NFIB: variants seen among roughly 807,000 people sequenced by gnomAD.
The protein encoded by NFIB is nuclear factor 1 B-type.
NFIB carries 11 observed loss-of-function variants against 61.5 expected under a neutral mutation model. That is an observed-to-expected ratio of 0.18 (90% CI 0.11 to 0.30). The LOEUF is 0.30. Among genes scored for constraint, NFIB ranks in the 10% least tolerant of loss-of-function variants. NFIB has a pLI of 1.00. For missense variants in NFIB, 471 were observed against 608.9 expected (o/e 0.77, Z 2.38); for synonymous variants, 260 against 216.5 (o/e 1.20, Z -1.76).
At chr9:14,225,536 C>A (rs1228333875) in intron 2 of NFIB, among the ~76,000 whole-genome samples, 2 of 149,078 alleles carry the variant, frequency 1.3e-5, no homozygotes, top group African/African-American at 4.9e-5. Flanking sequence ...TGAGCTTGTG[C>A]TGAAATGAAG....
chr9:14,193,768 T>C (rs936940329), intron 2 of NFIB, among the ~76,000 whole-genome samples: 2 of 152,218 alleles, frequency 1.3e-5, no homozygotes, highest in Admixed American at 1.3e-4. Context: ...CCAATATACT[T>C]AATGTTTTAA....
intron 3 of NFIB, 110 bp downstream of exon 3, chr9:14,179,617 C>T: frequency 8.6e-7 from 1 of 1,157,612 alleles, no homozygotes. Context: ...ATCATACCTG[C>T]CTGCCAGAAC....
chr9:14,462,967 T>C, the NFIB span, among the ~76,000 whole-genome samples: 9 of 152,346 alleles, frequency 5.9e-5, no homozygotes, highest in East Asian at 1.9e-4. Flanking sequence ...GTGCTGAATA[T>C]GTGCTTCACG....
the NFIB span, among the ~76,000 whole-genome samples, chr9:14,426,544 A>T: frequency 2.0e-5 from 3 of 152,232 alleles, no homozygotes; most frequent in East Asian, 5.8e-4. Context: ...CAAACTGTAT[A>T]TCTTATGAAT....
the NFIB span, among the ~76,000 whole-genome samples, chr9:14,427,937 G>GTGTTTTTTTTTTTTTTTTTTT: frequency 2.3e-5 from 1 of 43,384 alleles, no homozygotes; most frequent in African/African-American, 7.8e-5. Context: ...TAATTCAGTT[G>GTGTTTTTTTTTTTTTTTTTTT]TTTTTTTTTT....
chr9:14,094,008 A>G (rs2034379400), intron 10 of NFIB, among the ~76,000 whole-genome samples: 1 of 152,110 alleles, frequency 6.6e-6, no homozygotes, highest in African/African-American at 2.4e-5. Context: ...TAATCCTCAT[A>G]ACAAATCTAT....
chr9:14,316,211 TA>T (rs1320658575), upstream of NFIB, among the ~76,000 whole-genome samples: 1 of 152,242 alleles, frequency 6.6e-6, no homozygotes, highest in Non-Finnish European at 1.5e-5. Context: ...GGTCACTTTT[TA>T]ACCCCGTCCT....
chr9:14,371,856 C>T (rs903137635), intron 1 of NFIB, among the ~76,000 whole-genome samples: 2 of 152,146 alleles, frequency 1.3e-5, no homozygotes, highest in East Asian at 3.9e-4. Context: ...TACTTGTTCT[C>T]AGCAATATTA....
At chr9:14,142,647 A>G (rs77212880) in intron 6 of NFIB, among the ~76,000 whole-genome samples, 1 of 151,642 alleles carries the variant, frequency 6.6e-6, no homozygotes, top group Non-Finnish European at 1.5e-5. Flanking sequence ...ACTCAGATGG[A>G]AAAAAAAATA....
the NFIB span, among the ~76,000 whole-genome samples, chr9:14,438,037 T>C: frequency 0.69 from 104,426 of 151,152 alleles, 36,205 homozygotes; most frequent in East Asian, 0.8. Context: ...TGTGCGCGTA[T>C]GTGCGTGCGT....
chr9:14,370,951 C>T (rs937356374), intron 1 of NFIB, among the ~76,000 whole-genome samples: 24 of 152,204 alleles, frequency 1.6e-4, no homozygotes, highest in African/African-American at 4.1e-4. Context: ...AAAAATTAGC[C>T]GGGCATGATG....
intron 5 of NFIB, among the ~76,000 whole-genome samples, chr9:14,148,558 T>C (rs774832774): frequency 2.0e-5 from 3 of 152,180 alleles, no homozygotes; most frequent in Non-Finnish European, 4.4e-5. Flanking sequence ...TCAAAAATCA[T>C]ATACATAAAC....
At chr9:14,305,301 A>G (rs145054035) in intron 2 of NFIB, among the ~76,000 whole-genome samples, 27 of 152,256 alleles carry the variant, frequency 1.8e-4, no homozygotes, top group Middle Eastern at 6.8e-3. Context: ...GTGGTTGCAA[A>G]TCTTCCCTCC....
the NFIB span, among the ~76,000 whole-genome samples, chr9:14,506,473 G>C: frequency 2.0e-5 from 3 of 152,120 alleles, no homozygotes; most frequent in Admixed American, 2.0e-4. Context: ...TTCTTGAGAA[G>C]AAACGAACAG....
intron 5 of NFIB, among the ~76,000 whole-genome samples, 177 bp from the exon 6 acceptor site, chr9:14,146,984 A>G (rs547480494): frequency 2.0e-5 from 3 of 152,290 alleles, no homozygotes; most frequent in East Asian, 3.9e-4. Flanking sequence ...TTCTAGTTGC[A>G]TATACCATTT....
the NFIB span, among the ~76,000 whole-genome samples, chr9:14,447,610 T>C: frequency 4.6e-5 from 7 of 152,192 alleles, no homozygotes; most frequent in Non-Finnish European, 7.4e-5. Flanking sequence ...ACATTCACCA[T>C]TAAAAGCAGT....
chr9:14,202,786 A>G (rs2049195003), intron 2 of NFIB, among the ~76,000 whole-genome samples: 1 of 152,178 alleles, frequency 6.6e-6, no homozygotes. Flanking sequence ...ATTTCTTATG[A>G]AAAAAATCAC....
chr9:14,481,195 G>GTATATATATATATATATATATATA, the NFIB span, among the ~76,000 whole-genome samples: 4 of 35,062 alleles, frequency 1.1e-4, no homozygotes, highest in African/African-American at 3.7e-4. Context: ...GTGTGTGTGT[G>GTATATATATATATATATATATATA]TGTATATATA....
the NFIB span, among the ~76,000 whole-genome samples, chr9:14,522,391 A>C: frequency 6.6e-6 from 1 of 152,206 alleles, no homozygotes; most frequent in Non-Finnish European, 1.5e-5. Context: ...CAATAAAATG[A>C]ATAGCCTCAC....
Sources: allele counts gnomAD v4.1 joint callset (sites outside exome capture counted in the v4.1 genomes callset), GRCh38; gene constraint gnomAD v4.1.1; transcripts MANE v1.5; gene names NCBI Gene and HGNC (gene_info 2026-07-23, HGNC 2026-07-21).